Variants in GPC5 observed in about 807,000 individuals in gnomAD.
The protein encoded by GPC5 is glypican-5.
Under a neutral mutation model 53.9 loss-of-function variants are expected in GPC5, and 47 were observed. That is an observed-to-expected ratio of 0.87 (90% CI 0.69 to 1.11). The LOEUF (loss-of-function observed/expected upper bound fraction) is 1.11, where lower values mean the gene tolerates loss of function less well. Ranked by LOEUF, GPC5 falls within the 50% of genes most tolerant of loss-of-function variation. GPC5 has a pLI of 0.00. For missense variants in GPC5, 748 were observed against 713.1 expected, an observed-to-expected ratio of 1.05 and a Z score of -0.56; for synonymous variants, 286 against 263.3, an observed-to-expected ratio of 1.09 and a Z score of -0.84.
chr13:92,476,060 A>C (rs1879114167), intron 7 of GPC5, among the ~76,000 whole-genome samples: 1 of 152,150 alleles, frequency 6.6e-6, no homozygotes, highest in Admixed American at 6.5e-5. Flanking sequence ...AATTAAACTA[A>C]AGAGCTTCTG....
intron 7 of GPC5, among the ~76,000 whole-genome samples, chr13:92,443,813 A>G (rs1877679172): frequency 6.6e-6 from 1 of 152,188 alleles, no homozygotes; most frequent in African/African-American, 2.4e-5. Flanking sequence ...TTGAATAAGG[A>G]AGGCAGGGAA....
chr13:92,151,007 T>C (rs911619008), intron 7 of GPC5, among the ~76,000 whole-genome samples: 1 of 152,122 alleles, frequency 6.6e-6, no homozygotes, highest in South Asian at 2.1e-4. Flanking sequence ...AGGTCTATTT[T>C]TGATGTCATT....
intron 7 of GPC5, among the ~76,000 whole-genome samples, chr13:92,660,200 T>C (rs1424442612): frequency 6.6e-6 from 1 of 152,218 alleles, no homozygotes; most frequent in Non-Finnish European, 1.5e-5. Context: ...ATTTTGTTTT[T>C]TCAATTTGTT....
chr13:92,145,051 A>G, intron 7 of GPC5, 62 bp downstream of exon 7: 1 of 1,207,734 alleles, frequency 8.3e-7, no homozygotes, highest in Non-Finnish European at 1.1e-6. Context: ...AATTAAAGAT[A>G]TTGTTATGGA....
At chr13:92,804,786 A>C (rs765204910) in intron 7 of GPC5, among the ~76,000 whole-genome samples, 20 of 152,206 alleles carry the variant, frequency 1.3e-4, no homozygotes, top group Admixed American at 9.2e-4. Flanking sequence ...CTTCTTTCAA[A>C]ATTGAAATCA....
At chr13:91,837,758 G>C (rs1342040330) in intron 5 of GPC5, among the ~76,000 whole-genome samples, 1 of 152,078 alleles carries the variant, frequency 6.6e-6, no homozygotes, top group Non-Finnish European at 1.5e-5. Flanking sequence ...AGCTCCAGTT[G>C]CCTTCACTGC....
chr13:92,319,407 A>C (rs1213702126), intron 7 of GPC5, among the ~76,000 whole-genome samples: 1 of 127,348 alleles, frequency 7.9e-6, no homozygotes, highest in Non-Finnish European at 1.6e-5. Context: ...GCATCTCTGA[A>C]ACTAAAAAAA....
chr13:92,668,731 AC>A (rs1218218360), intron 7 of GPC5, among the ~76,000 whole-genome samples: 2 of 152,120 alleles, frequency 1.3e-5, no homozygotes, highest in East Asian at 3.8e-4. Flanking sequence ...GTCTTCTGTA[AC>A]GGTTTAACCT....
intron 7 of GPC5, among the ~76,000 whole-genome samples, chr13:92,671,775 G>T (rs1886759028): frequency 6.8e-6 from 1 of 146,702 alleles, no homozygotes; most frequent in Non-Finnish European, 1.5e-5. Flanking sequence ...TTCTGAGTTA[G>T]TTGGGTAAAG....
At chr13:92,590,622 A>T (rs1416379103) in intron 7 of GPC5, among the ~76,000 whole-genome samples, 1 of 152,192 alleles carries the variant, frequency 6.6e-6, no homozygotes, top group African/African-American at 2.4e-5. Flanking sequence ...TGGATTACAA[A>T]ATATCTGGAA....
intron 5 of GPC5, among the ~76,000 whole-genome samples, chr13:91,846,145 T>A (rs73609326): frequency 0.029 from 4,433 of 152,256 alleles, 201 homozygotes; most frequent in African/African-American, 0.096. Context: ...AGTACCTATA[T>A]GGCGGTAAGA....
chr13:92,084,227 G>A (rs1322827457), intron 6 of GPC5, among the ~76,000 whole-genome samples: 6 of 152,168 alleles, frequency 3.9e-5, no homozygotes, highest in Non-Finnish European at 5.9e-5. Context: ...CATGGCACAC[G>A]TTTACCTATG....
intron 7 of GPC5, among the ~76,000 whole-genome samples, chr13:92,709,958 A>C (rs1476773905): frequency 6.6e-6 from 1 of 152,196 alleles, no homozygotes; most frequent in Non-Finnish European, 1.5e-5. Context: ...AAGAAGACTG[A>C]ATTTGTTCAA....
At chr13:92,521,538 A>G (rs1421337870) in intron 7 of GPC5, among the ~76,000 whole-genome samples, 1 of 152,260 alleles carries the variant, frequency 6.6e-6, no homozygotes, top group Non-Finnish European at 1.5e-5. Context: ...AGGATTCCCT[A>G]TTTAATAAAT....
In GPC5 at chr13:92,789,753, C is replaced by T. The variant is rs9561155; in HGVS notation, c.1562-76529C>T. ...AAGGTGTCTTAGGGTTCTCTAGAGG[C>T]ACAGAACTAATAGGATAGATGTATA... On this transcript the variant is annotated intron_variant, in intron 7 of 7. Coordinates refer to ENST00000377067, the MANE Select transcript of GPC5 (RefSeq NM_004466.6). 0.025 allele frequency among the ~76,000 whole-genome samples: 3,829 copies of T among 152,034 alleles called. 383 individuals carry two copies. In the East Asian group the frequency reaches 0.32, roughly 13 times the overall value.
At chr13:91,966,849 A>C (rs2040185414) in intron 6 of GPC5, among the ~76,000 whole-genome samples, 1 of 152,224 alleles carries the variant, frequency 6.6e-6, no homozygotes, top group Non-Finnish European at 1.5e-5. Flanking sequence ...ACTGTTTACT[A>C]CTGAGAGTTT....
At chr13:91,707,822 CAT>C (rs1255347114) in intron 3 of GPC5, among the ~76,000 whole-genome samples, 2 of 150,578 alleles carry the variant, frequency 1.3e-5, no homozygotes, top group African/African-American at 5.0e-5. Context: ...CCCAAGATAA[CAT>C]AATATATATA....
intron 2 of GPC5, among the ~76,000 whole-genome samples, chr13:91,537,221 TAGAA>T (rs1305021754): frequency 6.6e-6 from 1 of 151,316 alleles, no homozygotes; most frequent in African/African-American, 2.4e-5. Flanking sequence ...AAACAGAGAA[TAGAA>T]AAAGAATAAA....
intron 6 of GPC5, among the ~76,000 whole-genome samples, chr13:92,029,470 C>T (rs2040824802): frequency 6.6e-6 from 1 of 152,166 alleles, no homozygotes; most frequent in African/African-American, 2.4e-5. Flanking sequence ...AGAAGCCAGG[C>T]TCTTTTCTCT....
Sources: gnomAD v4.1 joint callset for allele counts (sites outside exome capture counted in the v4.1 genomes callset) on GRCh38, gnomAD v4.1.1 for gene constraint, MANE v1.5 for transcripts, NCBI Gene and HGNC (gene_info 2026-07-23, HGNC 2026-07-21) for gene names.